Variants in HAO1 observed in about 807,000 individuals in gnomAD.
HAO1 encodes the protein 2-Hydroxyacid oxidase 1.
A neutral mutation model predicts 39.7 loss-of-function variants in HAO1; 34 were observed. That is an observed-to-expected ratio of 0.86 (90% CI 0.65 to 1.14). The LOEUF is 1.14. HAO1 is among the 50% of genes most tolerant of loss of function. HAO1 has a pLI of 0.00. For missense variants in HAO1, 479 were observed against 464.5 expected, an observed-to-expected ratio of 1.03 and a Z score of -0.29; for synonymous variants, 172 against 173.2, an observed-to-expected ratio of 0.99 and a Z score of 0.05.
chr20:7,887,104 A>T (rs569119619), intron 5 of HAO1, among the ~76,000 whole-genome samples: 1 of 152,280 alleles, frequency 6.6e-6, no homozygotes, highest in South Asian at 2.1e-4. Flanking sequence ...TGAGTTTGGG[A>T]TTGTTCATTT....
At chr20:7,924,584 A>G (rs1021075291) in intron 2 of HAO1, among the ~76,000 whole-genome samples, 25 of 152,236 alleles carry the variant, frequency 1.6e-4, no homozygotes, top group African/African-American at 5.3e-4. Context: ...CAATGAGAGT[A>G]AATTATTTGG....
Position 7,905,799 on chromosome 20 carries a change from TC to T in HAO1, c.721+354del, listed in dbSNP as rs1476805711. Among the ~76,000 whole-genome samples the T allele has an allele frequency of 3.3e-5, 5 of 152,286 alleles. No individual in the cohort carries two copies. The East Asian group carries it at 9.7e-4, about 29-fold the overall frequency. On this transcript the variant is annotated intron_variant, in intron 4 of 7. Transcript: ENST00000378789. ...TGTCATAATATCTCCTTGGGGCTTCTCTTTGGTCTGAGAGCAACTGTTGCAG... is the reference window on the plus strand; with the variant it reads ...TGTCATAATATCTCCTTGGGGCTTCTTTTGGTCTGAGAGCAACTGTTGCAG...
At chr20:7,886,624 G>C (rs558219578) in intron 5 of HAO1, among the ~76,000 whole-genome samples, 3 of 152,092 alleles carry the variant, frequency 2.0e-5, no homozygotes, top group African/African-American at 7.2e-5. Flanking sequence ...AAAATATTTT[G>C]CATCCAACCA....
chr20:7,899,067 C>A (rs2050210022), intron 4 of HAO1, among the ~76,000 whole-genome samples: 2 of 152,106 alleles, frequency 1.3e-5, no homozygotes, highest in South Asian at 4.2e-4. Flanking sequence ...TAGCTACAAC[C>A]TGCATTATGA....
intron 4 of HAO1, among the ~76,000 whole-genome samples, chr20:7,897,498 G>C (rs926753928): frequency 6.6e-6 from 1 of 151,662 alleles, no homozygotes; most frequent in Admixed American, 6.6e-5. Context: ...TTTACCCTTT[G>C]GGAAATGTTA....
At chr20:7,933,674 A>G (rs1015727380) in intron 2 of HAO1, among the ~76,000 whole-genome samples, 7 of 152,240 alleles carry the variant, frequency 4.6e-5, no homozygotes, top group Non-Finnish European at 8.8e-5. Flanking sequence ...TTAAAATATT[A>G]TATAGTCGTG....
intron 2 of HAO1, among the ~76,000 whole-genome samples, chr20:7,921,754 C>A (rs1419847463): frequency 6.6e-6 from 1 of 152,110 alleles, no homozygotes; most frequent in Admixed American, 6.6e-5. Flanking sequence ...TACATATCCA[C>A]CATGGAATAC....
intron 5 of HAO1, among the ~76,000 whole-genome samples, chr20:7,894,419 T>G (rs150231131): frequency 6.6e-6 from 1 of 152,150 alleles, no homozygotes. Context: ...AAGATGCACA[T>G]TGGAATCTCC....
intron 4 of HAO1, among the ~76,000 whole-genome samples, chr20:7,898,999 C>T (rs1181972301): frequency 6.6e-6 from 1 of 150,574 alleles, no homozygotes; most frequent in African/African-American, 2.4e-5. Context: ...TTTTTTCAAA[C>T]CTCGTAATTG....
intron 1 of HAO1, among the ~76,000 whole-genome samples, chr20:7,939,200 T>C (rs575408560): frequency 6.6e-6 from 1 of 152,240 alleles, no homozygotes; most frequent in Admixed American, 6.5e-5. Flanking sequence ...TGGCATTTGT[T>C]GAGCTCATTT....
chr20:7,918,968 G>A (rs2050319199), intron 2 of HAO1, among the ~76,000 whole-genome samples: 1 of 152,224 alleles, frequency 6.6e-6, no homozygotes. Flanking sequence ...GCAAAGGACA[G>A]GGGTTGGATT....
At chr20:7,913,788 G>A (rs1486732187) in intron 3 of HAO1, among the ~76,000 whole-genome samples, 1 of 152,118 alleles carries the variant, frequency 6.6e-6, no homozygotes, top group Non-Finnish European at 1.5e-5. Flanking sequence ...AATCTTCTTA[G>A]CCTTAGCTGT....
chr20:7,906,018 C>A, intron 4 of HAO1, 136 bp downstream of exon 4: 2 of 697,452 alleles, frequency 2.9e-6, no homozygotes, highest in South Asian at 3.4e-5. Flanking sequence ...AACATGAAAA[C>A]AGAGAATTGA....
intron 3 of HAO1, among the ~76,000 whole-genome samples, chr20:7,912,997 T>C (rs534369954): frequency 4.6e-5 from 7 of 152,312 alleles, no homozygotes; most frequent in Middle Eastern, 3.4e-3. Context: ...GCAGCAACTT[T>C]CGTGGTGAGA....
intron 3 of HAO1, among the ~76,000 whole-genome samples, chr20:7,907,912 A>C (rs1315789528): frequency 6.6e-6 from 1 of 152,152 alleles, no homozygotes; most frequent in Non-Finnish European, 1.5e-5. Context: ...GCTGTTTTTG[A>C]ATAATGACAG....
intron 5 of HAO1, 47 bp from the exon 6 acceptor site, chr20:7,885,911 G>A: frequency 6.6e-7 from 1 of 1,506,280 alleles, no homozygotes; most frequent in Non-Finnish European, 9.2e-7. Context: ...ACACTGAATT[G>A]TTATTCAACT....
At chr20:7,895,091 TG>T in intron 5 of HAO1, 41 bp downstream of exon 5, 1 of 1,198,230 alleles carries the variant, frequency 8.3e-7, no homozygotes, top group Non-Finnish European at 1.3e-6. Flanking sequence ...GTGATGGAAA[TG>T]GGAACTCCAA....
At chr20:7,893,067 C>T (rs1443849142) in intron 5 of HAO1, among the ~76,000 whole-genome samples, 1 of 152,136 alleles carries the variant, frequency 6.6e-6, no homozygotes, top group Non-Finnish European at 1.5e-5. Context: ...CTTTATGAGA[C>T]TCATTGCTGC....
At chr20:7,892,725 G>A (rs1235840062) in intron 5 of HAO1, among the ~76,000 whole-genome samples, 1 of 152,014 alleles carries the variant, frequency 6.6e-6, no homozygotes, top group Non-Finnish European at 1.5e-5. Context: ...GTGGTGGTCT[G>A]GAAAGTTCAC....
Sources: allele counts gnomAD v4.1 joint callset (sites outside exome capture counted in the v4.1 genomes callset), GRCh38; gene constraint gnomAD v4.1.1; transcripts MANE v1.5; gene names NCBI Gene and HGNC (gene_info 2026-07-23, HGNC 2026-07-21).